Variants in NBAS observed in about 807,000 individuals in gnomAD.
The protein encoded by NBAS is NAG/BC035112 fusion.
In NBAS, 219 loss-of-function variants were observed where a neutral mutation model predicts 302.5. The observed-to-expected ratio is 0.72, with a 90% CI of 0.65 to 0.81. NBAS has a LOEUF of 0.81. Among genes scored for constraint, NBAS ranks in the 30% least tolerant of loss-of-function variants. The pLI, the probability that NBAS is intolerant of heterozygous loss-of-function variation, is 0.00. For synonymous variants in NBAS, 1,118 were observed against 1,021.6 expected, an observed-to-expected ratio of 1.09 and a Z score of -1.80; for missense variants, 2,932 against 2,841.6, an observed-to-expected ratio of 1.03 and a Z score of -0.72.
At chr2:15,072,551 G>A in the NBAS span, among the ~76,000 whole-genome samples, 1 of 152,112 alleles carries the variant, frequency 6.6e-6, no homozygotes, top group African/African-American at 2.4e-5. Context: ...CCAATAGAGA[G>A]GGAGCTGCTC....
chr2:15,346,111 A>G (rs1673076100), intron 35 of NBAS, among the ~76,000 whole-genome samples: 1 of 152,168 alleles, frequency 6.6e-6, no homozygotes, highest in South Asian at 2.1e-4. Context: ...AGACTTCATG[A>G]CAAAAACGCC....
chr2:15,177,039 G>A (rs1051960436), intron 51 of NBAS, among the ~76,000 whole-genome samples: 3 of 152,242 alleles, frequency 2.0e-5, no homozygotes, highest in African/African-American at 7.2e-5. Flanking sequence ...ATGCAGAGAT[G>A]TTACAGTTCA....
intron 48 of NBAS, among the ~76,000 whole-genome samples, chr2:15,190,879 CT>C (rs1179138466): frequency 6.6e-6 from 1 of 152,154 alleles, no homozygotes; most frequent in Non-Finnish European, 1.5e-5. Flanking sequence ...TGTCATAGAA[CT>C]TTTTTGCTAT....
At chr2:15,040,822 C>T in the NBAS span, among the ~76,000 whole-genome samples, 9 of 152,338 alleles carry the variant, frequency 5.9e-5, no homozygotes, top group South Asian at 2.1e-4. Flanking sequence ...TAAGTCATTC[C>T]GTGACAGTTA....
chr2:14,989,124 G>GA, the NBAS span, among the ~76,000 whole-genome samples: 1 of 151,950 alleles, frequency 6.6e-6, no homozygotes, highest in Non-Finnish European at 1.5e-5. Flanking sequence ...ATGTATTTTA[G>GA]AAAAAACAGA....
chr2:14,914,348 A>C, the NBAS span, among the ~76,000 whole-genome samples: 1 of 152,238 alleles, frequency 6.6e-6, no homozygotes, highest in African/African-American at 2.4e-5. Context: ...CCACAGGGCC[A>C]CATGGGGGTT....
chr2:14,809,381 T>C, the NBAS span, among the ~76,000 whole-genome samples: 3 of 152,180 alleles, frequency 2.0e-5, no homozygotes, highest in African/African-American at 7.2e-5. Context: ...AGGGACTTGG[T>C]GCCCTGTGTT....
intron 12 of NBAS, among the ~76,000 whole-genome samples, chr2:15,487,339 T>C (rs73200699): frequency 0.012 from 1,899 of 152,272 alleles, 35 homozygotes; most frequent in African/African-American, 0.043. Flanking sequence ...TCATGTATTG[T>C]GCATCAAGAA....
chr2:15,325,586 G>T (rs1672026588), intron 38 of NBAS, among the ~76,000 whole-genome samples: 1 of 152,154 alleles, frequency 6.6e-6, no homozygotes, highest in African/African-American at 2.4e-5. Context: ...AGCCTTCACA[G>T]AATTAAAGGC....
the NBAS span, among the ~76,000 whole-genome samples, chr2:15,034,027 G>GAAGGAGAAGAAGA: frequency 1.6e-5 from 1 of 63,794 alleles, no homozygotes; most frequent in Non-Finnish European, 2.6e-5. Context: ...AGAAGAAGAA[G>GAAGGAGAAGAAGA]AGGAGGAGGA....
At chr2:15,178,138 T>G (rs1386873057) in intron 51 of NBAS, 1 of 470,614 alleles carries the variant, frequency 2.1e-6, no homozygotes, top group Non-Finnish European at 4.4e-6. Flanking sequence ...TCCTTCCTTC[T>G]CTGGTCCCTA....
the NBAS span, among the ~76,000 whole-genome samples, chr2:14,864,751 C>T: frequency 6.6e-6 from 1 of 152,112 alleles, no homozygotes. Context: ...TTAACACCTC[C>T]CTGACTCAGT....
intron 28 of NBAS, among the ~76,000 whole-genome samples, chr2:15,389,590 A>T (rs751778405): frequency 1.6e-4 from 24 of 152,354 alleles, no homozygotes; most frequent in East Asian, 7.7e-4. Context: ...TTTAGAAGAC[A>T]TGAAAAGACA....
the NBAS span, among the ~76,000 whole-genome samples, chr2:15,034,456 C>T: frequency 2.0e-5 from 3 of 152,082 alleles, no homozygotes; most frequent in Admixed American, 6.5e-5. Context: ...CTTGGACTTC[C>T]AGCTTTCAGA....
the NBAS span, among the ~76,000 whole-genome samples, chr2:14,793,206 G>T: frequency 6.6e-6 from 1 of 152,028 alleles, no homozygotes; most frequent in African/African-American, 2.4e-5. Flanking sequence ...TCAGCCTCCA[G>T]AACTGTGAGA....
the NBAS span, among the ~76,000 whole-genome samples, chr2:15,120,379 G>A: frequency 1.4e-4 from 21 of 152,274 alleles, no homozygotes; most frequent in South Asian, 4.2e-3. Flanking sequence ...GAGAGATTAA[G>A]TGACAAGCCC....
intron 12 of NBAS, among the ~76,000 whole-genome samples, chr2:15,478,921 G>A (rs551293632): frequency 3.9e-5 from 6 of 152,266 alleles, no homozygotes; most frequent in African/African-American, 9.6e-5. Flanking sequence ...TCTTGGCTTA[G>A]TGTTCCCTTC....
chr2:15,543,283 C>A (rs1274902708), intron 6 of NBAS, among the ~76,000 whole-genome samples: 2 of 152,150 alleles, frequency 1.3e-5, no homozygotes, highest in Non-Finnish European at 2.9e-5. Flanking sequence ...CTGGAACATT[C>A]TTTCCCTAAC....
At chr2:15,444,726 A>C (rs1309629732) in intron 21 of NBAS, among the ~76,000 whole-genome samples, 11 of 149,816 alleles carry the variant, frequency 7.3e-5, no homozygotes, top group Non-Finnish European at 1.2e-4. Context: ...CAACCTACAA[A>C]ATGGGAGAAA....
Sources: gnomAD v4.1 joint callset for allele counts (sites outside exome capture counted in the v4.1 genomes callset) on GRCh38, gnomAD v4.1.1 for gene constraint, MANE v1.5 for transcripts, NCBI Gene and HGNC (gene_info 2026-07-23, HGNC 2026-07-21) for gene names.